The following TMEM38B variants were observed in gnomAD, a reference collection of about 807,000 sequenced individuals.
TMEM38B encodes trimeric intracellular cation channel type B.
In TMEM38B, 24 loss-of-function variants were observed where a neutral mutation model predicts 28.7. That is an observed-to-expected ratio of 0.84 (90% confidence interval 0.61 to 1.18). TMEM38B has a LOEUF of 1.18. TMEM38B is among the 50% of genes most tolerant of loss of function. TMEM38B has a pLI of 0.00. For missense variants in TMEM38B, 380 were observed against 350.9 expected (o/e 1.08, Z -0.66); for synonymous variants, 131 against 127.7 (o/e 1.03, Z -0.17).
chr9:105,719,132 A>G (rs1836224757), intron 2 of TMEM38B, among the ~76,000 whole-genome samples: 1 of 152,198 alleles, frequency 6.6e-6, no homozygotes, highest in Non-Finnish European at 1.5e-5. Context: ...AACTTTTTGT[A>G]TATACCTAAA....
chr9:105,775,921 AAATGGGAC>A lies in TMEM38B; in HGVS notation c.*1843_*1850del, dbSNP rs1469299140. ...AGTATATATTCAGTGATTACTGTTC[AAATGGGAC>A]ATTGGTAGAAACTTTATTAATCTAT... On this transcript the variant is annotated 3_prime_UTR_variant, in exon 6 of 6. Coordinates refer to ENST00000374692, the MANE Select transcript of TMEM38B (RefSeq NM_018112.3). 6.6e-6 allele frequency: 1 copy of A among 152,214 alleles called. No individual in the cohort carries two copies. Among genetic ancestry groups the A allele is most frequent in the African/African-American group, 2.4e-5 (1 of 41,460 alleles). The allele number at this position is 152,214 out of a possible 1,614,324, so 9.4% of individuals were successfully genotyped here. A position where few individuals can be genotyped will look rare whatever the true frequency, so the allele number is the denominator to read the frequency against.
intron 1 of TMEM38B, among the ~76,000 whole-genome samples, chr9:105,698,466 AT>A (rs982442834): frequency 2.7e-5 from 4 of 150,064 alleles, no homozygotes; most frequent in Admixed American, 6.6e-5. Context: ...ATCAAGTGCT[AT>A]TTTTTTTTCA....
chr9:105,748,786 T>C (rs776849278), intron 5 of TMEM38B, among the ~76,000 whole-genome samples: 1 of 152,206 alleles, frequency 6.6e-6, no homozygotes, highest in Non-Finnish European at 1.5e-5. Context: ...TGTCTTTCTG[T>C]CACTGTATCT....
intron 1 of TMEM38B, 118 bp from the exon 2 acceptor site, chr9:105,705,479 T>C (rs1337776668): frequency 2.0e-6 from 2 of 1,008,480 alleles, no homozygotes; most frequent in African/African-American, 3.2e-5. Context: ...CACCTATGAA[T>C]AATAGTTGTT....
intron 5 of TMEM38B, among the ~76,000 whole-genome samples, chr9:105,762,393 G>A (rs1186044633): frequency 7.0e-6 from 1 of 142,596 alleles, no homozygotes; most frequent in Non-Finnish European, 1.5e-5. Flanking sequence ...ATCTCCCAAT[G>A]CTATCCCTCC....
intron 5 of TMEM38B, among the ~76,000 whole-genome samples, chr9:105,756,133 A>C (rs1171696332): frequency 1.3e-5 from 2 of 152,218 alleles, no homozygotes; most frequent in Non-Finnish European, 2.9e-5. Context: ...TGGGCAACAG[A>C]GCCAGACTCT....
At chr9:105,739,825 G>A (rs865792644) in intron 4 of TMEM38B, among the ~76,000 whole-genome samples, 14 of 151,278 alleles carry the variant, frequency 9.3e-5, no homozygotes, top group South Asian at 8.4e-4. Context: ...ATGCCTGGCC[G>A]GTTTTAAGTC....
chr9:105,754,914 A>T (rs1202196837), intron 5 of TMEM38B, among the ~76,000 whole-genome samples: 1 of 152,194 alleles, frequency 6.6e-6, no homozygotes, highest in Non-Finnish European at 1.5e-5. Flanking sequence ...AAATAAACAC[A>T]ATCAGAAATG....
intron 2 of TMEM38B, among the ~76,000 whole-genome samples, chr9:105,709,237 G>T (rs867820535): frequency 6.6e-6 from 1 of 152,018 alleles, no homozygotes; most frequent in Non-Finnish European, 1.5e-5. Context: ...TATGTGTTTG[G>T]TGAGGCTGAG....
chr9:105,736,647 T>C (rs1434889316), intron 4 of TMEM38B, among the ~76,000 whole-genome samples: 2 of 152,238 alleles, frequency 1.3e-5, no homozygotes, highest in African/African-American at 2.4e-5. Context: ...TGTGTTTCTT[T>C]TGTGGTGTCA....
At position 105,765,556 on chromosome 9, in the gene TMEM38B, C is replaced by T. The variant is rs1826344448; in HGVS notation, c.661-8309C>T. Among the ~76,000 whole-genome samples the T allele has an allele frequency of 1.3e-5, 2 of 152,274 alleles. 1 individual carries two copies. The highest frequency in any genetic ancestry group is 4.1e-4 in the South Asian group (2 of 4,826). ...ACCATTTATCCACTTTATATCACTA[C>T]AGATTAGTGTTTTCTGTAGTTTCAT... On this transcript the variant is annotated intron_variant, in intron 5 of 5. Transcript: ENST00000374692.
chr9:105,733,739 T>A (rs1836862037), intron 4 of TMEM38B, among the ~76,000 whole-genome samples: 1 of 152,078 alleles, frequency 6.6e-6, no homozygotes, highest in Non-Finnish European at 1.5e-5. Flanking sequence ...CTCTAGGTTA[T>A]CCAGTTTGTT....
At chr9:105,729,297 A>G (rs143854477) in intron 4 of TMEM38B, among the ~76,000 whole-genome samples, 5,415 of 152,268 alleles carry the variant, frequency 0.036, 263 homozygotes, top group African/African-American at 0.11. Context: ...CTTTCTACAT[A>G]TGGCTAGTCA....
At chr9:105,739,269 C>A (rs745314358) in intron 4 of TMEM38B, among the ~76,000 whole-genome samples, 1 of 150,534 alleles carries the variant, frequency 6.6e-6, no homozygotes, top group East Asian at 1.9e-4. Flanking sequence ...TTAGTTAAGT[C>A]CCCAAATTAG....
rs137985851 is a variant in TMEM38B at position 105,758,673 on chromosome 9, C to T, written c.660+10483C>T. ...AACTTAGCCATTTAAAACTCTGCCA[C>T]GAAGACATCCAGAATTGAGAAAAAA... is the stretch of plus-strand genomic sequence containing the variant. On this transcript the variant is annotated intron_variant, in intron 5 of 5. Transcript: ENST00000374692. 378 of 764,882 alleles carry T rather than the reference C, an allele frequency of 4.9e-4. 5 individuals are homozygous for T. The highest frequency in any genetic ancestry group is 3.9e-3 in the Middle Eastern group (16 of 4,112). 47.4% of individuals were successfully genotyped at this position (764,882 alleles called of 1,614,324 possible). A position where few individuals can be genotyped will look rare whatever the true frequency, so the allele number is the denominator to read the frequency against.
chr9:105,735,723 G>A (rs1435522560), intron 4 of TMEM38B, among the ~76,000 whole-genome samples: 1 of 152,064 alleles, frequency 6.6e-6, no homozygotes, highest in Non-Finnish European at 1.5e-5. Flanking sequence ...TTCTCTCCTT[G>A]CCTTTTACTT....
intron 4 of TMEM38B, among the ~76,000 whole-genome samples, chr9:105,742,918 G>A (rs1239120427): frequency 6.6e-6 from 1 of 152,000 alleles, no homozygotes; most frequent in Non-Finnish European, 1.5e-5. Context: ...CATAATTTGG[G>A]AATGTTGTAA....
chr9:105,745,222 A>G (rs1367220465), intron 4 of TMEM38B, among the ~76,000 whole-genome samples: 3 of 152,150 alleles, frequency 2.0e-5, no homozygotes, highest in Admixed American at 1.3e-4. Context: ...AAGTGTTCCT[A>G]TTTCTCCACA....
At chr9:105,753,711 C>T (rs1194035234) in intron 5 of TMEM38B, among the ~76,000 whole-genome samples, 1 of 152,160 alleles carries the variant, frequency 6.6e-6, no homozygotes, top group Non-Finnish European at 1.5e-5. Context: ...ATTACAAAAA[C>T]ACACTGAAGC....
Sources: allele counts gnomAD v4.1 joint callset (sites outside exome capture counted in the v4.1 genomes callset), GRCh38; gene constraint gnomAD v4.1.1; transcripts MANE v1.5; gene names NCBI Gene and HGNC (gene_info 2026-07-23, HGNC 2026-07-21).